TMC1: variants seen among roughly 807,000 people sequenced by gnomAD.
TMC1 encodes transmembrane channel-like protein 1.
Under a neutral mutation model 105.8 loss-of-function variants are expected in TMC1, and 84 were observed. The ratio of observed to expected loss-of-function variants is 0.79; its 90% confidence interval spans 0.67 to 0.95. TMC1 has a LOEUF of 0.95. Among genes scored for constraint, TMC1 ranks in the 40% least tolerant of loss-of-function variants. TMC1 has a pLI of 0.00. For missense variants in TMC1, 817 were observed against 914.1 expected (o/e 0.89, Z 1.37); for synonymous variants, 315 against 311.5 (o/e 1.01, Z -0.12).
intron 18 of TMC1, among the ~76,000 whole-genome samples, chr9:72,814,782 G>T (rs1045547757): frequency 6.6e-6 from 1 of 152,150 alleles, no homozygotes; most frequent in Non-Finnish European, 1.5e-5. Context: ...CCAAGCATTT[G>T]AAAATTGAGA....
chr9:72,640,574 C>CT (rs1825609173), intron 4 of TMC1, among the ~76,000 whole-genome samples: 1 of 151,892 alleles, frequency 6.6e-6, no homozygotes, highest in Non-Finnish European at 1.5e-5. Flanking sequence ...GTCTTTGTCT[C>CT]TTTTTTTACC....
intron 11 of TMC1, among the ~76,000 whole-genome samples, chr9:72,752,487 G>T (rs907101881): frequency 6.8e-6 from 1 of 147,230 alleles, no homozygotes; most frequent in Non-Finnish European, 1.5e-5. Context: ...TAGTGGGATG[G>T]GATGAGAGTG....
intron 5 of TMC1, among the ~76,000 whole-genome samples, chr9:72,673,060 G>A (rs1439905216): frequency 6.6e-6 from 1 of 152,112 alleles, no homozygotes; most frequent in Non-Finnish European, 1.5e-5. Flanking sequence ...AATAGCAAAA[G>A]ATATCTGGCA....
Position 72,651,914 on chromosome 9 carries a change from C to T in TMC1, c.16+3250C>T, listed in dbSNP as rs1003941531. On this transcript the variant is annotated intron_variant, in intron 5 of 23. Coordinates refer to ENST00000297784, the MANE Select transcript of TMC1 (RefSeq NM_138691.3). ...TAGTCTCTTATCCCTCACCCCCCAT[C>T]CTTTCCCTTGACTCCCCAAAGTCCA... Among the ~76,000 whole-genome samples the T allele has an allele frequency of 1.2e-3, 180 of 152,128 alleles. 1 individual carries two copies. Among genetic ancestry groups the T allele is most frequent in the African/African-American group, 4.2e-3 (175 of 41,518 alleles).
At chr9:72,727,931 G>C (rs1383038070) in intron 8 of TMC1, among the ~76,000 whole-genome samples, 1 of 152,008 alleles carries the variant, frequency 6.6e-6, no homozygotes, top group African/African-American at 2.4e-5. Flanking sequence ...TATCCAGAGA[G>C]ACATTTATAA....
chr9:72,686,172 C>A (rs949196630), intron 5 of TMC1, among the ~76,000 whole-genome samples: 1 of 152,186 alleles, frequency 6.6e-6, no homozygotes, highest in Non-Finnish European at 1.5e-5. Flanking sequence ...CTGCCTCCAA[C>A]ATTTTGACAG....
chr9:72,742,017 A>C (rs1395425685), intron 9 of TMC1, among the ~76,000 whole-genome samples: 1 of 152,190 alleles, frequency 6.6e-6, no homozygotes, highest in Non-Finnish European at 1.5e-5. Context: ...ACCTGGAAAT[A>C]AAAGACAGAA....
chr9:72,745,708 A>C (rs907472807), intron 10 of TMC1, among the ~76,000 whole-genome samples: 2 of 152,196 alleles, frequency 1.3e-5, no homozygotes, highest in African/African-American at 4.8e-5. Flanking sequence ...TAGGTAAAGC[A>C]TGTATCTGTG....
At chr9:72,797,190 A>G (rs1209537032) in intron 17 of TMC1, among the ~76,000 whole-genome samples, 4 of 152,178 alleles carry the variant, frequency 2.6e-5, no homozygotes, top group African/African-American at 9.7e-5. Flanking sequence ...ATGGAGAACT[A>G]CAAACTACTG....
intron 12 of TMC1, among the ~76,000 whole-genome samples, chr9:72,770,918 C>T (rs1192745281): frequency 1.3e-5 from 2 of 152,168 alleles, no homozygotes; most frequent in African/African-American, 2.4e-5. Context: ...TAAATGATGT[C>T]CAGCCATGCT....
In TMC1 at chr9:72,760,430, G is replaced by A. The variant is rs116530794; in HGVS notation, c.741+5546G>A. Among the ~76,000 whole-genome samples, 531 of 152,050 alleles carry A rather than the reference G, an allele frequency of 3.5e-3. 2 individuals are homozygous for A. The highest frequency in any genetic ancestry group is 0.012 in the African/African-American group (510 of 41,498). On this transcript the variant is annotated intron_variant, in intron 12 of 23. Coordinates refer to ENST00000297784, the MANE Select transcript of TMC1 (RefSeq NM_138691.3). ...TAATCCTGACTTTTGCAAAGCCCAGGGGTGCCAAAGCAGGCATCCCTGGGC... is the reference window on the plus strand; with the variant it reads ...TAATCCTGACTTTTGCAAAGCCCAGAGGTGCCAAAGCAGGCATCCCTGGGC...
At chr9:72,607,701 C>A (rs1824948151) in intron 2 of TMC1, 1 of 151,258 alleles carries the variant, frequency 6.6e-6, no homozygotes, top group African/African-American at 2.4e-5. Flanking sequence ...AATCCCAGCA[C>A]TTTGGGAGGC....
chr9:72,606,984 T>TAC, intron 2 of TMC1, among the ~76,000 whole-genome samples: 2 of 116,556 alleles, frequency 1.7e-5, no homozygotes, highest in South Asian at 5.2e-4. Context: ...TGTGTGTGCA[T>TAC]ATATATATAT....
At chr9:72,568,937 G>A (rs1824217557) in intron 1 of TMC1, among the ~76,000 whole-genome samples, 1 of 152,148 alleles carries the variant, frequency 6.6e-6, no homozygotes. Flanking sequence ...AGATGTGTTT[G>A]GAAAACCAAC....
intron 12 of TMC1, among the ~76,000 whole-genome samples, chr9:72,755,118 GAA>G (rs1444174249): frequency 5.9e-5 from 9 of 151,656 alleles, no homozygotes; most frequent in East Asian, 5.8e-4. Context: ...GAAAGAGAAA[GAA>G]AGAAAGAAAG....
At chr9:72,805,647 A>C in intron 18 of TMC1, 137 bp downstream of exon 18, 1 of 753,420 alleles carries the variant, frequency 1.3e-6, no homozygotes, top group South Asian at 1.8e-5. Flanking sequence ...GCAGATAAAC[A>C]AGTGAACAAA....
rs554106403 is a variant in TMC1 at position 72,737,936 on chromosome 9, A to G, written c.363-2183A>G. The stretch of plus-strand genomic sequence containing the variant: ...ACAACAAGGCCAATCTAGTCTATCA[A>G]TTGAGTTTCAGAGAAGATTAATGAT... On this transcript the variant is annotated intron_variant, in intron 8 of 23. Coordinates refer to ENST00000297784, the MANE Select transcript of TMC1 (RefSeq NM_138691.3). Among the ~76,000 whole-genome samples, 40 of 152,324 alleles carry G rather than the reference A, an allele frequency of 2.6e-4. 1 individual carries two copies. In the East Asian group the frequency reaches 7.0e-3, roughly 26 times the overall value.
intron 8 of TMC1, among the ~76,000 whole-genome samples, chr9:72,739,348 A>G (rs1213287959): frequency 1.3e-5 from 2 of 152,220 alleles, no homozygotes; most frequent in African/African-American, 4.8e-5. Flanking sequence ...AGATTTCAAC[A>G]TACAGATTTT....
intron 5 of TMC1, among the ~76,000 whole-genome samples, chr9:72,676,359 G>C (rs1826202122): frequency 1.3e-5 from 2 of 152,210 alleles, no homozygotes; most frequent in Admixed American, 6.5e-5. Flanking sequence ...TAAAAGTTTA[G>C]ATTAAAGATG....
Sources: allele counts gnomAD v4.1 joint callset (sites outside exome capture counted in the v4.1 genomes callset), GRCh38; gene constraint gnomAD v4.1.1; transcripts MANE v1.5; gene names NCBI Gene and HGNC (gene_info 2026-07-23, HGNC 2026-07-21).